HS3ST5: variants seen among roughly 807,000 people sequenced by gnomAD.
HS3ST5 encodes heparan sulfate glucosamine 3-O-sulfotransferase 5.
Under a neutral mutation model 25.4 loss-of-function variants are expected in HS3ST5, and 10 were observed. The ratio of observed to expected loss-of-function variants is 0.39; its 90% confidence interval spans 0.24 to 0.67. The LOEUF (loss-of-function observed/expected upper bound fraction) is 0.67. HS3ST5 is among the 30% of genes least tolerant of loss of function. The probability of loss-of-function intolerance (pLI) is 0.44; values close to 1 mark genes in which losing one functional copy is unlikely to be tolerated. For synonymous variants in HS3ST5, 170 were observed against 162.4 expected (o/e 1.05, Z -0.36); for missense variants, 324 against 420.7 (o/e 0.77, Z 2.01).
intron 3 of HS3ST5, among the ~76,000 whole-genome samples, chr6:114,118,074 G>A (rs1776616562): frequency 1.3e-5 from 2 of 152,252 alleles, no homozygotes; most frequent in South Asian, 2.1e-4. Context: ...AATTAATGCC[G>A]ACACCAACAT....
rs976912389 is a variant in HS3ST5, at chr6:114,307,339, T to C, written c.-339+34856A>G. ...TAGGATGCCACCTTTGAAGTATGTA[T>C]AGCACAAATATCCTTACTGTTTTTT... On this transcript the variant is annotated intron_variant, in intron 1 of 4. Coordinates refer to ENST00000312719, the MANE Select transcript of HS3ST5 (RefSeq NM_153612.4). Among the ~76,000 whole-genome samples, 4 of 150,040 alleles carry C rather than the reference T, an allele frequency of 2.7e-5. No individual in the cohort carries two copies. The Admixed American group carries it at 2.7e-4, about 10-fold the overall frequency.
intron 3 of HS3ST5, among the ~76,000 whole-genome samples, chr6:114,093,336 C>CT (rs2114799512): frequency 6.9e-6 from 1 of 145,164 alleles, no homozygotes; most frequent in South Asian, 2.3e-4. Flanking sequence ...GACCTTGTAT[C>CT]TTTTTTGTTT....
chr6:114,185,876 C>A (rs1780195269), intron 2 of HS3ST5, among the ~76,000 whole-genome samples: 1 of 151,848 alleles, frequency 6.6e-6, no homozygotes, highest in African/African-American at 2.4e-5. Flanking sequence ...GCAGCTGGGG[C>A]TAAAGGCACA....
chr6:114,144,867 T>C (rs923009582), intron 3 of HS3ST5, among the ~76,000 whole-genome samples: 4 of 152,250 alleles, frequency 2.6e-5, no homozygotes, highest in African/African-American at 9.6e-5. Flanking sequence ...GTGCCTGATA[T>C]ATAACAGCTA....
intron 1 of HS3ST5, among the ~76,000 whole-genome samples, chr6:114,294,369 C>G (rs1774718765): frequency 6.6e-6 from 1 of 151,382 alleles, no homozygotes; most frequent in Non-Finnish European, 1.5e-5. Flanking sequence ...TTGGTAAAAA[C>G]TTGGATTAGA....
At chr6:114,303,909 T>TA (rs1303111291) in intron 1 of HS3ST5, among the ~76,000 whole-genome samples, 1 of 152,114 alleles carries the variant, frequency 6.6e-6, no homozygotes, top group Non-Finnish European at 1.5e-5. Context: ...TTTTATTATT[T>TA]AAAAAATGCA....
intron 1 of HS3ST5, among the ~76,000 whole-genome samples, chr6:114,263,325 A>G (rs1282589135): frequency 6.6e-6 from 1 of 152,114 alleles, no homozygotes; most frequent in Non-Finnish European, 1.5e-5. Context: ...AATATTCAAA[A>G]ATGGAAAAAA....
intron 1 of HS3ST5, among the ~76,000 whole-genome samples, chr6:114,231,112 G>C (rs966342442): frequency 6.6e-6 from 1 of 151,984 alleles, no homozygotes; most frequent in African/African-American, 2.4e-5. Context: ...CATCCCCTTG[G>C]TACTGTTCTT....
At chr6:114,118,491 G>A (rs1217367080) in intron 3 of HS3ST5, among the ~76,000 whole-genome samples, 1 of 152,174 alleles carries the variant, frequency 6.6e-6, no homozygotes, top group Non-Finnish European at 1.5e-5. Flanking sequence ...ATATAAGAAA[G>A]CAATTATATG....
At chr6:114,068,726 G>GT (rs933281897) in intron 3 of HS3ST5, among the ~76,000 whole-genome samples, 8 of 151,258 alleles carry the variant, frequency 5.3e-5, no homozygotes, top group Non-Finnish European at 8.8e-5. Context: ...TAAAACTAAA[G>GT]TTTTTTTTTA....
chr6:114,177,085 A>G (rs1779755901), intron 2 of HS3ST5, among the ~76,000 whole-genome samples: 1 of 152,192 alleles, frequency 6.6e-6, no homozygotes, highest in African/African-American at 2.4e-5. Context: ...TGTCCTCAGA[A>G]TTGCAATGCA....
At chr6:114,279,041 C>A (rs1014246375) in intron 1 of HS3ST5, among the ~76,000 whole-genome samples, 3 of 151,956 alleles carry the variant, frequency 2.0e-5, no homozygotes, top group Admixed American at 2.0e-4. Flanking sequence ...TGCTAATCAA[C>A]CTTTAATGGC....
At chr6:114,186,462 A>G (rs1450882336) in intron 2 of HS3ST5, among the ~76,000 whole-genome samples, 1 of 152,210 alleles carries the variant, frequency 6.6e-6, no homozygotes, top group Non-Finnish European at 1.5e-5. Flanking sequence ...TAAGTTAAAG[A>G]CTAATCTAGA....
chr6:114,134,637 T>A (rs1777503856), intron 3 of HS3ST5, among the ~76,000 whole-genome samples: 1 of 152,160 alleles, frequency 6.6e-6, no homozygotes, highest in African/African-American at 2.4e-5. Context: ...GATTCCCATT[T>A]AATTAGGGAT....
chr6:114,195,159 T>A (rs1005069006), intron 2 of HS3ST5, among the ~76,000 whole-genome samples: 2 of 152,164 alleles, frequency 1.3e-5, no homozygotes, highest in African/African-American at 4.8e-5. Flanking sequence ...GCTGTTTGGA[T>A]GATGTCAGCA....
intron 2 of HS3ST5, among the ~76,000 whole-genome samples, chr6:114,226,701 G>A (rs1771311782): frequency 6.6e-6 from 1 of 151,926 alleles, no homozygotes; most frequent in South Asian, 2.1e-4. Context: ...TCTGTTGCAT[G>A]TTTTGCTTCC....
intron 3 of HS3ST5, among the ~76,000 whole-genome samples, chr6:114,167,022 G>T (rs934449423): frequency 6.6e-6 from 1 of 152,154 alleles, no homozygotes; most frequent in East Asian, 1.9e-4. Context: ...GTCTCACTTT[G>T]TCACCCACAC....
At chr6:114,219,895 A>G (rs1781952161) in intron 2 of HS3ST5, among the ~76,000 whole-genome samples, 1 of 152,082 alleles carries the variant, frequency 6.6e-6, no homozygotes, top group African/African-American at 2.4e-5. Context: ...AAGCTGGTTG[A>G]ATTATTTATT....
intron 2 of HS3ST5, among the ~76,000 whole-genome samples, chr6:114,221,751 T>C (rs1313105408): frequency 6.6e-6 from 1 of 151,844 alleles, no homozygotes; most frequent in East Asian, 1.9e-4. Flanking sequence ...GGGTAGATTC[T>C]AAAAGTTAAC....
Sources: allele counts gnomAD v4.1 joint callset (sites outside exome capture counted in the v4.1 genomes callset), GRCh38; gene constraint gnomAD v4.1.1; transcripts MANE v1.5; gene names NCBI Gene and HGNC (gene_info 2026-07-23, HGNC 2026-07-21).